The following PEX5L variants were observed in gnomAD, a reference collection of about 807,000 sequenced individuals.
The protein encoded by PEX5L is PEX5-related protein.
In PEX5L, 30 loss-of-function variants were observed where a neutral mutation model predicts 84.0. The observed-to-expected ratio is 0.36, with a 90% CI of 0.27 to 0.48. PEX5L has a LOEUF of 0.48. Ranked by LOEUF, PEX5L falls within the 20% of genes least tolerant of loss-of-function variation. The pLI is 0.99. For missense variants in PEX5L, 533 were observed against 754.6 expected, an observed-to-expected ratio of 0.71 and a Z score of 3.44; for synonymous variants, 270 against 283.1, an observed-to-expected ratio of 0.95 and a Z score of 0.46.
At chr3:179,817,088 T>C (rs1726416270) in intron 9 of PEX5L, among the ~76,000 whole-genome samples, 1 of 152,168 alleles carries the variant, frequency 6.6e-6, no homozygotes, top group Non-Finnish European at 1.5e-5. Context: ...CTAGGGCCCT[T>C]TGGAGAACTA....
At chr3:179,985,980 G>C (rs1266032623) in intron 1 of PEX5L, among the ~76,000 whole-genome samples, 1 of 152,080 alleles carries the variant, frequency 6.6e-6, no homozygotes, top group African/African-American at 2.4e-5. Context: ...GGGCTATACT[G>C]GTAAGATGTG....
intron 1 of PEX5L, among the ~76,000 whole-genome samples, chr3:180,023,992 C>T (rs1790670989): frequency 6.6e-6 from 1 of 152,100 alleles, no homozygotes; most frequent in African/African-American, 2.4e-5. Context: ...GAAATCCAAC[C>T]CTCTACCTCA....
intron 3 of PEX5L, among the ~76,000 whole-genome samples, chr3:179,893,231 T>A (rs1758141442): frequency 6.6e-6 from 1 of 152,146 alleles, no homozygotes; most frequent in African/African-American, 2.4e-5. Flanking sequence ...AATACAGTGT[T>A]TTCTTTGTGT....
At chr3:179,959,199 T>TA (rs879802615) in intron 2 of PEX5L, among the ~76,000 whole-genome samples, 2 of 152,060 alleles carry the variant, frequency 1.3e-5, no homozygotes, top group Non-Finnish European at 2.9e-5. Flanking sequence ...AGACAGGTTC[T>TA]AAAAAACATC....
At chr3:179,937,977 C>T (rs1775054362) in intron 2 of PEX5L, among the ~76,000 whole-genome samples, 1 of 152,080 alleles carries the variant, frequency 6.6e-6, no homozygotes, top group African/African-American at 2.4e-5. Flanking sequence ...CCAGCGCTTC[C>T]ATCGACTCCA....
chr3:179,924,611 G>T lies in PEX5L; in HGVS notation c.94-26365C>A, dbSNP rs1770840993. 2.0e-5 allele frequency among the ~76,000 whole-genome samples: 3 copies of T among 152,068 alleles called. No individual in the cohort carries two copies. The South Asian group carries it at 6.2e-4, about 32-fold the overall frequency. ...CAAGTGGATTTCACCTCCTAAATTG[G>T]CAAATTGCATGTGCTGTTCTTATTA... On this transcript the variant is annotated intron_variant, in intron 2 of 14. Transcript: ENST00000467460.
intron 2 of PEX5L, among the ~76,000 whole-genome samples, chr3:179,916,203 A>T (rs1438453850): frequency 6.6e-6 from 1 of 152,158 alleles, no homozygotes; most frequent in African/African-American, 2.4e-5. Context: ...ACTATTAAAC[A>T]ATTTGATTGT....
At chr3:179,861,490 G>T (rs550430905) in intron 7 of PEX5L, among the ~76,000 whole-genome samples, 11 of 152,252 alleles carry the variant, frequency 7.2e-5, no homozygotes, top group African/African-American at 1.7e-4. Flanking sequence ...CAGCACAGGG[G>T]TGAGGCGCCT....
intron 7 of PEX5L, among the ~76,000 whole-genome samples, chr3:179,871,085 A>T (rs1750154376): frequency 6.7e-6 from 1 of 148,374 alleles, no homozygotes; most frequent in Non-Finnish European, 1.5e-5. Context: ...TTTCCTGTGA[A>T]CCATTTGAGT....
intron 3 of PEX5L, among the ~76,000 whole-genome samples, chr3:179,892,689 A>G (rs1349021762): frequency 6.6e-6 from 1 of 152,126 alleles, no homozygotes; most frequent in Non-Finnish European, 1.5e-5. Context: ...ATTTCCTCCC[A>G]GTCACATCTT....
At chr3:179,848,562 A>T (rs1452700910) in intron 8 of PEX5L, among the ~76,000 whole-genome samples, 1 of 151,818 alleles carries the variant, frequency 6.6e-6, no homozygotes, top group Non-Finnish European at 1.5e-5. Context: ...AAAAAAAAAA[A>T]AAAAAAAGAA....
rs536371792 is a variant in PEX5L at position 179,998,667 on chromosome 3, G to A, written c.22-27002C>T. Among the ~76,000 whole-genome samples, 5 of 152,286 alleles carry A rather than the reference G, an allele frequency of 3.3e-5. No homozygotes were observed. In the South Asian group the frequency reaches 8.3e-4, roughly 25 times the overall value. ...CTGAACTGCCTATCATGAACTGGGC[G>A]CTTTCTGATCCATCTAGCGATAAAG... On this transcript the variant is annotated intron_variant, in intron 1 of 14. Transcript: ENST00000467460.
chr3:179,929,966 G>A (rs951513118), intron 2 of PEX5L, among the ~76,000 whole-genome samples: 2 of 152,108 alleles, frequency 1.3e-5, no homozygotes, highest in Non-Finnish European at 2.9e-5. Flanking sequence ...TGAAAACAAG[G>A]TTTTTATGTC....
intron 1 of PEX5L, among the ~76,000 whole-genome samples, chr3:180,017,460 T>C (rs961578735): frequency 1.3e-5 from 2 of 152,182 alleles, no homozygotes; most frequent in East Asian, 3.8e-4. Context: ...CCATTTTTAA[T>C]AGAGATTTTA....
intron 1 of PEX5L, among the ~76,000 whole-genome samples, chr3:180,023,409 G>A (rs952875534): frequency 2.0e-5 from 3 of 152,152 alleles, no homozygotes; most frequent in Admixed American, 6.5e-5. Flanking sequence ...GGAGACATAC[G>A]GCAGCATGCT....
chr3:179,897,823 GTTAT>G (rs1368216402), intron 3 of PEX5L, among the ~76,000 whole-genome samples: 1 of 151,622 alleles, frequency 6.6e-6, no homozygotes, highest in Non-Finnish European at 1.5e-5. Flanking sequence ...TAGCTTAATT[GTTAT>G]TTCTTTCCCA....
At position 179,966,341 on chromosome 3, in the gene PEX5L, A is replaced by G. The variant is rs931086674; in HGVS notation, c.93+5253T>C. Reference sequence around the variant, plus strand: ...ACCCAGGGACAGTGTTACACCTAATACCAAGAGACAGGGTATCATACTTTG... The same window carrying G: ...ACCCAGGGACAGTGTTACACCTAATGCCAAGAGACAGGGTATCATACTTTG... On this transcript the variant is annotated intron_variant, in intron 2 of 14. Transcript: ENST00000467460. Among the ~76,000 whole-genome samples the G allele has an allele frequency of 3.9e-5, 6 of 152,150 alleles. No homozygotes were observed. In the East Asian group the frequency reaches 1.2e-3, roughly 29 times the overall value.
intron 9 of PEX5L, among the ~76,000 whole-genome samples, chr3:179,818,189 C>T (rs1726896782): frequency 6.6e-6 from 1 of 151,992 alleles, no homozygotes; most frequent in African/African-American, 2.4e-5. Flanking sequence ...CTATCCAGAA[C>T]TGAATATTAC....
rs183590194 is a variant in PEX5L at position 179,808,472 on chromosome 3, A to G, written c.1353-35T>C. On this transcript the variant is annotated intron_variant, in intron 12 of 14. Coordinates refer to ENST00000467460, the MANE Select transcript of PEX5L (RefSeq NM_016559.3). ...AAAAAAAAAATTAGATTTGTAATCC[A>G]AATAGTCAGAACATAAATGATTTAC... 295 of 1,332,236 alleles carry G rather than the reference A, an allele frequency of 2.2e-4. 1 individual carries two copies. The African/African-American group carries it at 3.6e-3, about 16-fold the overall frequency. The allele number at this position is 1,332,236 out of a possible 1,614,324, so 82.5% of individuals were successfully genotyped here.
Sources: gnomAD v4.1 joint callset for allele counts (sites outside exome capture counted in the v4.1 genomes callset) on GRCh38, gnomAD v4.1.1 for gene constraint, MANE v1.5 for transcripts, NCBI Gene and HGNC (gene_info 2026-07-23, HGNC 2026-07-21) for gene names.